The following ACER1 variants were observed in gnomAD, a reference collection of about 807,000 sequenced individuals.
The protein encoded by ACER1 is alkaline ceramidase 1, also known as CTB-180A7.3.
Under a neutral mutation model 24.9 loss-of-function variants are expected in ACER1, and 28 were observed. The observed-to-expected ratio is 1.13, with a 90% CI of 0.83 to 1.54. The LOEUF (loss-of-function observed/expected upper bound fraction) is 1.54, where lower values mean the gene tolerates loss of function less well. Ranked by LOEUF, ACER1 falls within the 40% of genes most tolerant of loss-of-function variation. The probability of loss-of-function intolerance (pLI) is 0.00; values close to 1 mark genes in which losing one functional copy is unlikely to be tolerated. For missense variants in ACER1, 352 were observed against 349.3 expected (o/e 1.01, Z -0.06); for synonymous variants, 132 against 131.4 (o/e 1.00, Z -0.03).
chr19:6,323,037 G>A (rs1301685575), intron 1 of ACER1, among the ~76,000 whole-genome samples: 1 of 152,032 alleles, frequency 6.6e-6, no homozygotes, highest in East Asian at 1.9e-4. Context: ...GCTTGAACCA[G>A]GGAGGCAGAG....
At position 6,333,588 on chromosome 19, in the gene ACER1, G is replaced by A; in HGVS notation, c.-37C>T. The A allele has an allele frequency of 6.5e-7, 1 of 1,530,908 alleles. No individual in the cohort carries two copies. The highest frequency in any genetic ancestry group is 8.8e-7 in the Non-Finnish European group (1 of 1,130,614). 94.8% of individuals were successfully genotyped at this position (1,530,908 alleles called of 1,614,324 possible). On this transcript the variant is annotated 5_prime_UTR_variant, in exon 1 of 6. Transcript: ENST00000301452. ...GGCCACCACCAGCCGGCTGCGCCCG[G>A]CAGAGAGAAGGCGAGCTTGGGAAGG...
At position 6,312,508 on chromosome 19, in the gene ACER1, G is replaced by C. The variant is rs1344301791; in HGVS notation, c.94-9C>G. 3.1e-6 allele frequency: 5 copies of C among 1,610,118 alleles called. No homozygotes were observed. The highest frequency in any genetic ancestry group is 1.3e-5 in the African/African-American group (1 of 74,914). The stretch of plus-strand genomic sequence containing the variant: ...AAGGGGATATTGGAGAACTGGAGCA[G>C]AGAGAGCCATAGGGAGGAGCTCGTC... On this transcript the variant is annotated splice_polypyrimidine_tract_variant and intron_variant, in intron 1 of 5. Transcript: ENST00000301452.
At chr19:6,351,065 C>G in the ACER1 span, among the ~76,000 whole-genome samples, 1 of 152,122 alleles carries the variant, frequency 6.6e-6, no homozygotes, top group South Asian at 2.1e-4. Flanking sequence ...AGTGAAGGCA[C>G]TCAATAAATA....
intron 1 of ACER1, among the ~76,000 whole-genome samples, chr19:6,315,443 G>C (rs1230091304): frequency 6.6e-6 from 1 of 151,878 alleles, no homozygotes; most frequent in African/African-American, 2.4e-5. Flanking sequence ...ACAGTGGCGC[G>C]ATCTCGGCTC....
the ACER1 span, among the ~76,000 whole-genome samples, chr19:6,354,811 C>T: frequency 5.2e-3 from 695 of 133,440 alleles, 5 homozygotes; most frequent in African/African-American, 0.021. Flanking sequence ...TCCCTCTCCC[C>T]CCTCTCCCTT....
chr19:6,323,216 A>T (rs112927466), intron 1 of ACER1, among the ~76,000 whole-genome samples: 26 of 152,182 alleles, frequency 1.7e-4, no homozygotes, highest in African/African-American at 4.6e-4. Context: ...GTCAGGAGAT[A>T]GAGACCATCA....
At chr19:6,335,817 A>C (rs149827834), upstream of ACER1, among the ~76,000 whole-genome samples, 7,500 of 151,794 alleles carry the variant, frequency 0.049, 279 homozygotes, top group African/African-American at 0.11. Flanking sequence ...GGTGACAGAG[A>C]AAGACTCTGT....
chr19:6,349,947 A>G, the ACER1 span, among the ~76,000 whole-genome samples: 2 of 152,286 alleles, frequency 1.3e-5, no homozygotes, highest in African/African-American at 2.4e-5. Flanking sequence ...CTCAGGCAAC[A>G]TAGCAAGACC....
At chr19:6,306,923 C>T in intron 5 of ACER1, 41 bp from the exon 6 acceptor site, 1 of 1,586,606 alleles carries the variant, frequency 6.3e-7, no homozygotes, top group Non-Finnish European at 8.6e-7. Flanking sequence ...CACAAGATAC[C>T]CACAGCCTCA....
chr19:6,311,604 AAGAAGG>A (rs527646935), intron 3 of ACER1, among the ~76,000 whole-genome samples: 60 of 150,818 alleles, frequency 4.0e-4, no homozygotes, highest in South Asian at 2.1e-3. Flanking sequence ...GGCGGAGAAG[AAGAAGG>A]AGAAGGAGAA....
the ACER1 span, among the ~76,000 whole-genome samples, chr19:6,340,936 G>A: frequency 6.6e-6 from 1 of 151,996 alleles, no homozygotes; most frequent in African/African-American, 2.4e-5. Context: ...CTACAGGTCA[G>A]GACTCTGAAA....
the ACER1 span, among the ~76,000 whole-genome samples, chr19:6,355,679 T>C: frequency 7.7e-6 from 1 of 129,268 alleles, no homozygotes; most frequent in African/African-American, 3.1e-5. Context: ...GGGGCGCCTC[T>C]GCCCGGCCAC....
the ACER1 span, among the ~76,000 whole-genome samples, chr19:6,353,865 AAAAT>A: frequency 1.5e-4 from 23 of 150,848 alleles, no homozygotes; most frequent in East Asian, 3.1e-3. Context: ...AAAATAAAAT[AAAAT>A]AAATAAAATA....
At chr19:6,313,565 G>T (rs1277941764) in intron 1 of ACER1, among the ~76,000 whole-genome samples, 1 of 152,190 alleles carries the variant, frequency 6.6e-6, no homozygotes, top group Non-Finnish European at 1.5e-5. Flanking sequence ...GAATGTAAAT[G>T]ACATCTACTA....
chr19:6,311,632 A>G (rs1312125160), intron 3 of ACER1, among the ~76,000 whole-genome samples: 3 of 138,966 alleles, frequency 2.2e-5, no homozygotes, highest in African/African-American at 8.0e-5. Context: ...GAGGAGGAGG[A>G]GAAGAAGAAG....
At chr19:6,354,882 G>A in the ACER1 span, among the ~76,000 whole-genome samples, 5 of 152,140 alleles carry the variant, frequency 3.3e-5, no homozygotes, top group Non-Finnish European at 7.3e-5. Context: ...AGCCGAAGCT[G>A]GACTGTACTG....
At chr19:6,310,037 G>A (rs537229852) in intron 3 of ACER1, among the ~76,000 whole-genome samples, 20 of 151,944 alleles carry the variant, frequency 1.3e-4, no homozygotes, top group South Asian at 2.1e-4. Flanking sequence ...TGAGGTGGGC[G>A]GATCACCTGA....
intron 1 of ACER1, among the ~76,000 whole-genome samples, chr19:6,313,095 A>G (rs1183215851): frequency 3.3e-5 from 5 of 151,938 alleles, no homozygotes; most frequent in African/African-American, 4.8e-5. Context: ...ACTTCCATAT[A>G]TATTCTCCTT....
chr19:6,357,094 G>T, the ACER1 span, among the ~76,000 whole-genome samples: 1 of 149,024 alleles, frequency 6.7e-6, no homozygotes, highest in South Asian at 2.2e-4. Context: ...GCCCAGGCTG[G>T]AGTGCAATGG....
Sources: allele counts gnomAD v4.1 joint callset (sites outside exome capture counted in the v4.1 genomes callset), GRCh38; gene constraint gnomAD v4.1.1; transcripts MANE v1.5; gene names NCBI Gene and HGNC (gene_info 2026-07-23, HGNC 2026-07-21).